The following TUB variants were observed in gnomAD, a reference collection of about 807,000 sequenced individuals.
TUB encodes tubby protein homolog.
In TUB, 33 loss-of-function variants were observed where a neutral mutation model predicts 59.7. The ratio of observed to expected loss-of-function variants is 0.55; its 90% confidence interval spans 0.42 to 0.74. The LOEUF (loss-of-function observed/expected upper bound fraction) is 0.74. TUB is among the 30% of genes least tolerant of loss of function. The pLI is 0.00. For synonymous variants in TUB, 293 were observed against 256.4 expected, an observed-to-expected ratio of 1.14 and a Z score of -1.36; for missense variants, 659 against 672.0, an observed-to-expected ratio of 0.98 and a Z score of 0.21.
At chr11:8,095,763 C>T in intron 5 of TUB, 98 bp downstream of exon 5, 2 of 1,326,842 alleles carry the variant, frequency 1.5e-6, no homozygotes, top group Non-Finnish European at 2.1e-6. Context: ...GTCCAAACCC[C>T]TCCCTGGCAA....
intron 1 of TUB, among the ~76,000 whole-genome samples, chr11:8,085,157 A>G (rs1457333212): frequency 1.3e-5 from 2 of 152,186 alleles, no homozygotes; most frequent in Non-Finnish European, 2.9e-5. Flanking sequence ...TGGCAGCCTT[A>G]TAACGACTCC....
chr11:8,075,459 C>T (rs565096986), intron 2 of TUB: 2 of 152,152 alleles, frequency 1.3e-5, no homozygotes, highest in Non-Finnish European at 2.9e-5. Context: ...TAGTACCTAC[C>T]TTGAAGTGTT....
intron 2 of TUB, among the ~76,000 whole-genome samples, chr11:8,048,936 T>G (rs1942882719): frequency 1.3e-5 from 2 of 152,204 alleles, no homozygotes; most frequent in African/African-American, 4.8e-5. Context: ...ATTATCATAT[T>G]TAATATTCGT....
chr11:8,101,457 TC>T, intron 11 of TUB, 28 bp from the exon 12 acceptor site: 1 of 1,565,760 alleles, frequency 6.4e-7, no homozygotes. Context: ...CCTGTCCTTT[TC>T]TCTGTCTGTG....
intron 2 of TUB, among the ~76,000 whole-genome samples, chr11:8,060,950 G>C (rs1471621439): frequency 6.6e-6 from 1 of 152,196 alleles, no homozygotes; most frequent in Admixed American, 6.5e-5. Flanking sequence ...GTAGGCCTGG[G>C]CTCTGCCTAG....
chr11:8,041,052 C>T (rs2133733679), intron 2 of TUB, among the ~76,000 whole-genome samples: 2 of 152,322 alleles, frequency 1.3e-5, no homozygotes, highest in Middle Eastern at 6.8e-3. Context: ...GTGTGGGAGT[C>T]AAGGGGCTTC....
At position 8,097,445 on chromosome 11, in the gene TUB, G is replaced by A. The variant is rs747821402; in HGVS notation, c.885+20G>A. On this transcript the variant is annotated intron_variant, in intron 7 of 11. Transcript: ENST00000299506. ...AAGAAGGTAAGGTTGGTCTGGGCAT[G>A]TTATCATCTAGGCTTTACAGCCCTT... 6.2e-6 allele frequency: 10 copies of A among 1,614,080 alleles called. No individual in the cohort carries two copies. Among genetic ancestry groups the A allele is most frequent in the African/African-American group, 1.3e-5 (1 of 74,940 alleles).
chr11:8,048,090 A>G (rs1238198561), intron 2 of TUB, among the ~76,000 whole-genome samples: 2 of 152,194 alleles, frequency 1.3e-5, no homozygotes, highest in Non-Finnish European at 2.9e-5. Context: ...ATAATTTTCA[A>G]ATGAATAATA....
At chr11:8,089,783 T>C (rs1943736388) in intron 2 of TUB, 122 bp downstream of exon 2, 11 of 1,354,092 alleles carry the variant, frequency 8.1e-6, no homozygotes, top group Non-Finnish European at 1.1e-5. Flanking sequence ...GATTCCCATG[T>C]GGAAGAAGAG....
At chr11:8,048,056 A>G (rs1564901956) in intron 2 of TUB, among the ~76,000 whole-genome samples, 1 of 152,086 alleles carries the variant, frequency 6.6e-6, no homozygotes, top group Non-Finnish European at 1.5e-5. Context: ...CCTACAGTGC[A>G]TGTACACAGT....
At chr11:8,066,760 C>T (rs1269205715) in intron 2 of TUB, among the ~76,000 whole-genome samples, 1 of 152,146 alleles carries the variant, frequency 6.6e-6, no homozygotes, top group Non-Finnish European at 1.5e-5. Flanking sequence ...TGTTTGACGA[C>T]TTCAGCACTG....
intron 8 of TUB, 147 bp downstream of exon 8, chr11:8,097,973 G>C (rs892530087): frequency 1.5e-6 from 1 of 656,560 alleles, no homozygotes; most frequent in Non-Finnish European, 2.6e-6. Flanking sequence ...CATCCAACTG[G>C]AGGCCTATGT....
intron 2 of TUB, among the ~76,000 whole-genome samples, chr11:8,044,492 T>C (rs912489776): frequency 6.6e-6 from 1 of 152,248 alleles, no homozygotes; most frequent in Non-Finnish European, 1.5e-5. Context: ...TTATGTCTGC[T>C]AATTCTGTCA....
intron 2 of TUB, chr11:8,039,715 G>T: frequency 6.6e-7 from 1 of 1,505,282 alleles, no homozygotes; most frequent in Non-Finnish European, 8.9e-7. Flanking sequence ...GGAGGAGGGC[G>T]TGCCGGCCCT....
chr11:8,081,622 G>T, intron 1 of TUB, 74 bp downstream of exon 1: 1 of 1,415,880 alleles, frequency 7.1e-7, no homozygotes, highest in Non-Finnish European at 9.3e-7. Context: ...ACGCGGCCGG[G>T]GCGCAGGGCA....
At chr11:8,085,890 A>G (rs76482214) in intron 1 of TUB, among the ~76,000 whole-genome samples, 10,289 of 152,248 alleles carry the variant, frequency 0.068, 676 homozygotes, top group African/African-American at 0.17. Flanking sequence ...TCAATCGTGG[A>G]TGACTGCTCT....
chr11:8,085,251 C>G (rs1212019308), intron 1 of TUB, among the ~76,000 whole-genome samples: 6 of 152,214 alleles, frequency 3.9e-5, no homozygotes, highest in Admixed American at 3.3e-4. Context: ...TCACCCATGG[C>G]ACTTGCTTTT....
chr11:8,072,176 A>C (rs1943371995), intron 2 of TUB, among the ~76,000 whole-genome samples: 1 of 152,128 alleles, frequency 6.6e-6, no homozygotes, highest in African/African-American at 2.4e-5. Context: ...GGAAGGAGGC[A>C]GAGGCGGGTA....
At chr11:8,071,577 C>A (rs1335607660) in intron 2 of TUB, among the ~76,000 whole-genome samples, 2 of 152,168 alleles carry the variant, frequency 1.3e-5, no homozygotes, top group Non-Finnish European at 2.9e-5. Flanking sequence ...CAGCAAATGT[C>A]TGGTCACCTG....
Sources: gnomAD v4.1 joint callset for allele counts (sites outside exome capture counted in the v4.1 genomes callset) on GRCh38, gnomAD v4.1.1 for gene constraint, MANE v1.5 for transcripts, NCBI Gene and HGNC (gene_info 2026-07-23, HGNC 2026-07-21) for gene names.